SH3KBP1: variants seen among roughly 807,000 people sequenced by gnomAD.
SH3KBP1 encodes SH3 domain-containing kinase-binding protein 1.
A neutral mutation model predicts 50.1 loss-of-function variants in SH3KBP1; 8 were observed. The observed-to-expected ratio is 0.16, with a 90% CI of 0.09 to 0.29. The LOEUF is 0.29. Ranked by LOEUF, SH3KBP1 falls within the 10% of genes least tolerant of loss-of-function variation. SH3KBP1 has a pLI of 1.00. For synonymous variants in SH3KBP1, 227 were observed against 218.6 expected (o/e 1.04, Z -0.34); for missense variants, 377 against 535.2 (o/e 0.70, Z 2.92).
At chrX:19,839,510 T>C (rs761091575) in intron 1 of SH3KBP1, among the ~76,000 whole-genome samples, 5 of 110,865 alleles carry the variant, frequency 4.5e-5, no homozygotes, top group Non-Finnish European at 7.6e-5. Context: ...CTAATTTTTG[T>C]ATTGTTTGTA....
At chrX:19,817,168 A>T (rs2067381559) in intron 2 of SH3KBP1, among the ~76,000 whole-genome samples, 1 of 112,278 alleles carries the variant, frequency 8.9e-6, no homozygotes, top group Non-Finnish European at 1.9e-5. Flanking sequence ...TGTCTTGATT[A>T]CTATAACTAT....
intron 6 of SH3KBP1, among the ~76,000 whole-genome samples, chrX:19,665,477 CTTTTA>C (rs970785268): frequency 2.2e-4 from 25 of 111,941 alleles, no homozygotes; most frequent in Non-Finnish European, 3.4e-4. Context: ...TTCCAGCACA[CTTTTA>C]TTTTGTGAAT....
chrX:19,781,303 GA>G (rs1415286707), intron 2 of SH3KBP1, among the ~76,000 whole-genome samples: 1 of 111,224 alleles, frequency 9.0e-6, no homozygotes, highest in Non-Finnish European at 1.9e-5. Context: ...TTTACAATCA[GA>G]AATGTTTTCT....
chrX:19,828,529 C>A (rs2067762243), intron 2 of SH3KBP1, among the ~76,000 whole-genome samples: 1 of 111,618 alleles, frequency 9.0e-6, no homozygotes, highest in African/African-American at 3.3e-5. Flanking sequence ...CGCCTGTAAT[C>A]CCAGCACTTT....
intron 8 of SH3KBP1, among the ~76,000 whole-genome samples, chrX:19,608,811 T>C (rs1377172902): frequency 8.9e-6 from 1 of 112,275 alleles, no homozygotes; most frequent in Non-Finnish European, 1.9e-5. Flanking sequence ...TTACACAAGC[T>C]CATTAATGCA....
intron 2 of SH3KBP1, among the ~76,000 whole-genome samples, chrX:19,795,728 G>A (rs775765131): frequency 3.6e-5 from 4 of 111,676 alleles, no homozygotes; most frequent in Non-Finnish European, 3.8e-5. Context: ...AAACTGAGGG[G>A]CTATCAGTTT....
intron 2 of SH3KBP1, among the ~76,000 whole-genome samples, chrX:19,814,118 G>A (rs1237433526): frequency 3.6e-5 from 4 of 109,845 alleles, no homozygotes; most frequent in African/African-American, 1.3e-4. Context: ...CCAATGCACA[G>A]GACAAAAACC....
At chrX:19,682,021 C>T (rs145046233) in intron 6 of SH3KBP1, among the ~76,000 whole-genome samples, 1 of 110,745 alleles carries the variant, frequency 9.0e-6, no homozygotes, top group East Asian at 2.8e-4. Flanking sequence ...CCAGGGACAA[C>T]CTGAGGGTTT....
At chrX:19,833,165 GTCC>G (rs1298489714) in intron 2 of SH3KBP1, among the ~76,000 whole-genome samples, 1 of 108,901 alleles carries the variant, frequency 9.2e-6, no homozygotes, top group Non-Finnish European at 1.9e-5. Flanking sequence ...CCTTCCCACG[GTCC>G]TCCTCTCCTT....
intron 8 of SH3KBP1, among the ~76,000 whole-genome samples, chrX:19,609,495 C>CA (rs1190162860): frequency 9.0e-6 from 1 of 111,304 alleles, no homozygotes; most frequent in Non-Finnish European, 1.9e-5. Flanking sequence ...AAAGGCTTTC[C>CA]AAAAAACAAA....
intron 1 of SH3KBP1, among the ~76,000 whole-genome samples, chrX:19,852,991 C>T (rs898040875): frequency 6.2e-5 from 7 of 112,459 alleles, no homozygotes; most frequent in South Asian, 7.3e-4. Flanking sequence ...AGCGAGTTGA[C>T]GCCTTCTCTT....
intron 2 of SH3KBP1, among the ~76,000 whole-genome samples, chrX:19,780,245 G>C (rs1254661017): frequency 9.6e-6 from 1 of 104,320 alleles, no homozygotes; most frequent in Non-Finnish European, 2.0e-5. Context: ...GTCTTCTTTT[G>C]AGAAGTGTCT....
At chrX:19,719,653 G>T (rs956547206) in intron 3 of SH3KBP1, among the ~76,000 whole-genome samples, 2 of 110,032 alleles carry the variant, frequency 1.8e-5, no homozygotes, top group Admixed American at 9.8e-5. Flanking sequence ...GTGAAAGGGT[G>T]CAGGGGCTCT....
intron 2 of SH3KBP1, among the ~76,000 whole-genome samples, chrX:19,796,054 T>C (rs1336150765): frequency 9.0e-6 from 1 of 111,683 alleles, no homozygotes; most frequent in Non-Finnish European, 1.9e-5. Flanking sequence ...ATCTGTTGAA[T>C]GGAATGGAGA....
intron 15 of SH3KBP1, among the ~76,000 whole-genome samples, chrX:19,545,015 T>C (rs979185535): frequency 1.8e-5 from 2 of 112,574 alleles, no homozygotes; most frequent in Non-Finnish European, 3.7e-5. Context: ...TGCTTTGGTT[T>C]TGTGAATAAT....
intron 1 of SH3KBP1, among the ~76,000 whole-genome samples, chrX:19,874,804 G>A (rs2069192580): frequency 1.9e-5 from 2 of 104,613 alleles, no homozygotes; most frequent in African/African-American, 7.1e-5. Context: ...TGGAAGGGGA[G>A]AGGGGGTGCA....
intron 3 of SH3KBP1, among the ~76,000 whole-genome samples, chrX:19,742,087 A>C (rs2064784560): frequency 9.0e-6 from 1 of 111,256 alleles, no homozygotes; most frequent in South Asian, 3.8e-4. Flanking sequence ...CTAAGGATCA[A>C]ATAATTTTTT....
At chrX:19,711,766 G>T (rs1341998569) in intron 3 of SH3KBP1, among the ~76,000 whole-genome samples, 1 of 111,427 alleles carries the variant, frequency 9.0e-6, no homozygotes, top group African/African-American at 3.3e-5. Flanking sequence ...TTGCAAGGTA[G>T]AAACCACTGA....
intron 1 of SH3KBP1, among the ~76,000 whole-genome samples, chrX:19,873,273 C>CATATATATATATATATGTATATATAT (rs954295291): frequency 2.5e-5 from 2 of 78,619 alleles, no homozygotes; most frequent in Non-Finnish European, 4.8e-5. Flanking sequence ...AAAACAAGGA[C>CATATATATATATATATGTATATATAT]ATATATATAT....
Sources: allele counts gnomAD v4.1 joint callset (sites outside exome capture counted in the v4.1 genomes callset), GRCh38; gene constraint gnomAD v4.1.1; transcripts MANE v1.5; gene names NCBI Gene and HGNC (gene_info 2026-07-23, HGNC 2026-07-21).